NHLRC2: variants seen among roughly 807,000 people sequenced by gnomAD.
NHLRC2 encodes the protein NHL repeat-containing protein 2.
Under a neutral mutation model 68.1 loss-of-function variants are expected in NHLRC2, and 33 were observed. The ratio of observed to expected loss-of-function variants is 0.48; its 90% CI spans 0.37 to 0.65. NHLRC2 has a LOEUF of 0.65. NHLRC2 is among the 30% of genes least tolerant of loss of function. The probability of loss-of-function intolerance (pLI) is 0.00; values close to 1 mark genes in which losing one functional copy is unlikely to be tolerated. For missense variants in NHLRC2, 761 were observed against 853.8 expected, an observed-to-expected ratio of 0.89 and a Z score of 1.35; for synonymous variants, 311 against 309.6, an observed-to-expected ratio of 1.00 and a Z score of -0.05.
At chr10:113,904,743 T>C in intron 9 of NHLRC2, 74 bp from the exon 10 acceptor site, 1 of 1,103,374 alleles carries the variant, frequency 9.1e-7, no homozygotes, top group Non-Finnish European at 1.4e-6. Context: ...TCTACTAAAG[T>C]CTAAAAATAT....
chr10:113,868,386 T>C (rs906988074), intron 2 of NHLRC2, among the ~76,000 whole-genome samples: 3 of 152,184 alleles, frequency 2.0e-5, no homozygotes, highest in African/African-American at 7.2e-5. Flanking sequence ...TACATCCGCT[T>C]TTCAGTATGC....
intron 4 of NHLRC2, among the ~76,000 whole-genome samples, chr10:113,880,944 G>A (rs1011803869): frequency 1.3e-5 from 2 of 151,842 alleles, no homozygotes; most frequent in Admixed American, 6.6e-5. Flanking sequence ...ATATGCTAAT[G>A]TATTGTTGAG....
intron 2 of NHLRC2, among the ~76,000 whole-genome samples, chr10:113,865,253 A>C (rs2134693097): frequency 6.6e-6 from 1 of 151,318 alleles, no homozygotes; most frequent in South Asian, 2.1e-4. Context: ...CCGGCCACAA[A>C]TGAGAGGTTT....
At chr10:113,903,337 A>C (rs1471364415) in intron 8 of NHLRC2, among the ~76,000 whole-genome samples, 190 bp from the exon 9 acceptor site, 1 of 152,192 alleles carries the variant, frequency 6.6e-6, no homozygotes, top group Non-Finnish European at 1.5e-5. Context: ...TTAGAATAGA[A>C]TATCTCCCCT....
At position 113,909,581 on chromosome 10, in the gene NHLRC2, A is replaced by G. The variant is rs887798356; in HGVS notation, c.*1045A>G. On this transcript the variant is annotated 3_prime_UTR_variant, in exon 11 of 11. Transcript: ENST00000369301. ...GTGCTTTCATGCTATTAATAGATAC[A>G]GTATATCCTAATATATTAGTCTTCA... 6.6e-6 allele frequency: 1 copy of G among 152,142 alleles called. No homozygotes were observed. Among genetic ancestry groups the G allele is most frequent in the Non-Finnish European group, 1.5e-5 (1 of 67,994 alleles). The allele number at this position is 152,142 out of a possible 1,614,324, so 9.4% of individuals were successfully genotyped here. A position where few individuals can be genotyped will look rare whatever the true frequency, so the allele number is the denominator to read the frequency against.
At chr10:113,878,070 G>A (rs886284017) in intron 3 of NHLRC2, among the ~76,000 whole-genome samples, 1 of 152,122 alleles carries the variant, frequency 6.6e-6, no homozygotes, top group Non-Finnish European at 1.5e-5. Context: ...TAGAAATACT[G>A]TTATCTTTTG....
chr10:113,880,360 T>C (rs1184837657), intron 4 of NHLRC2, among the ~76,000 whole-genome samples: 2 of 146,850 alleles, frequency 1.4e-5, no homozygotes, highest in Non-Finnish European at 3.0e-5. Context: ...TTTTTCTAAC[T>C]TTTTTTTTTT....
At chr10:113,855,071 T>TG in intron 1 of NHLRC2, 21 bp downstream of exon 1, 1 of 1,545,994 alleles carries the variant, frequency 6.5e-7, no homozygotes, top group South Asian at 1.2e-5. Context: ...GGCGTCGGGG[T>TG]GGGGGCCCCT....
At chr10:113,906,325 C>A (rs915489583) in intron 10 of NHLRC2, among the ~76,000 whole-genome samples, 1 of 151,970 alleles carries the variant, frequency 6.6e-6, no homozygotes, top group Non-Finnish European at 1.5e-5. Context: ...TCTAATTTGT[C>A]CAAGATATGG....
chr10:113,876,532 A>C lies in NHLRC2; in HGVS notation c.343A>C (p.Ile115Leu), dbSNP rs748315838. Residue 115 changes from isoleucine to leucine, a missense_variant, in exon 3 of 11, where the codon ATT becomes CTT. Transcript: ENST00000369301. ...TTTTTTCCTTTCAGATGGTCTTCTT[A>C]TTATTGGTGTTCACTCGGCTAAGTT... Reference protein sequence around the residue: ...HTYSDKDGLLIIGVHSAKFPN... With the variant: ...HTYSDKDGLLLIGVHSAKFPN... 1.9e-6 allele frequency: 3 copies of C among 1,589,280 alleles called. No homozygotes were observed. Among genetic ancestry groups the C allele is most frequent in the South Asian group, 1.1e-5 (1 of 87,228 alleles).
At chr10:113,876,062 A>T (rs1342057106) in intron 2 of NHLRC2, among the ~76,000 whole-genome samples, 1 of 151,894 alleles carries the variant, frequency 6.6e-6, no homozygotes, top group Non-Finnish European at 1.5e-5. Context: ...TATTATGGAA[A>T]CATCTTGCTT....
At chr10:113,881,039 G>GTT (rs1275754975) in intron 4 of NHLRC2, among the ~76,000 whole-genome samples, 1 of 151,782 alleles carries the variant, frequency 6.6e-6, no homozygotes, top group African/African-American at 2.4e-5. Context: ...TTATAGGACT[G>GTT]TTTCCATGGT....
At position 113,915,648 on chromosome 10, in the gene NHLRC2, T is replaced by A. The variant is rs554537903; in HGVS notation, c.*7112T>A. On this transcript the variant is annotated 3_prime_UTR_variant, in exon 11 of 11. Transcript: ENST00000369301. ...TTTTTTTCCCTTCCCATTTTTTTGT[T>A]TTTAAGAGATAGGGTCTTGCTGTGT... 1.2e-5 allele frequency: 3 copies of A among 240,560 alleles called. No homozygotes were observed. Among genetic ancestry groups the A allele is most frequent in the East Asian group, 2.5e-4 (2 of 7,914 alleles). 14.9% of individuals were successfully genotyped at this position (240,560 alleles called of 1,614,324 possible). A position where few individuals can be genotyped will look rare whatever the true frequency, so the allele number is the denominator to read the frequency against.
chr10:113,906,978 C>T (rs867249812), intron 10 of NHLRC2, among the ~76,000 whole-genome samples: 1 of 152,210 alleles, frequency 6.6e-6, no homozygotes, highest in Non-Finnish European at 1.5e-5. Flanking sequence ...CAGAGCGAGA[C>T]TCCGTCTCAA....
chr10:113,880,439 AT>A (rs1846026854), intron 4 of NHLRC2, among the ~76,000 whole-genome samples: 1 of 151,794 alleles, frequency 6.6e-6, no homozygotes, highest in Non-Finnish European at 1.5e-5. Context: ...TATTTCAGAC[AT>A]TTCCTCCTGA....
At chr10:113,888,364 C>T (rs1400365174) in intron 5 of NHLRC2, among the ~76,000 whole-genome samples, 3 of 152,066 alleles carry the variant, frequency 2.0e-5, no homozygotes, top group African/African-American at 7.2e-5. Context: ...TATTATTTAG[C>T]TTGATTGAAT....
At chr10:113,890,281 G>C (rs1005540883) in intron 5 of NHLRC2, among the ~76,000 whole-genome samples, 4 of 152,182 alleles carry the variant, frequency 2.6e-5, no homozygotes, top group African/African-American at 9.7e-5. Context: ...TATTGCGTAT[G>C]TGAATCTGGA....
At chr10:113,895,817 G>C (rs567456935) in intron 5 of NHLRC2, among the ~76,000 whole-genome samples, 1 of 152,284 alleles carries the variant, frequency 6.6e-6, no homozygotes, top group Admixed American at 6.5e-5. Context: ...GCTTTCAGGA[G>C]CCCTCTTCTT....
chr10:113,874,440 GTT>G lies in NHLRC2; in HGVS notation c.332-2079_332-2078del, dbSNP rs1335939444. On this transcript the variant is annotated intron_variant, in intron 2 of 10. Coordinates refer to ENST00000369301, the MANE Select transcript of NHLRC2 (RefSeq NM_198514.4). ...TTTCCCAGCTGCTTTCAAGGCATGTGTTTGTGTGTGTGTGTGTGTGTGTGTGT... is the reference window on the plus strand; with the variant it reads ...TTTCCCAGCTGCTTTCAAGGCATGTGTGTGTGTGTGTGTGTGTGTGTGTGT... 7.7e-5 allele frequency among the ~76,000 whole-genome samples: 8 copies of G among 104,520 alleles called. No individual in the cohort carries two copies. The South Asian group carries it at 1.5e-3, about 19-fold the overall frequency. 68.6% of individuals were successfully genotyped at this position (104,520 alleles called of 152,430 possible).
Sources: gnomAD v4.1 joint callset for allele counts (sites outside exome capture counted in the v4.1 genomes callset) on GRCh38, gnomAD v4.1.1 for gene constraint, MANE v1.5 for transcripts, NCBI Gene and HGNC (gene_info 2026-07-23, HGNC 2026-07-21) for gene names.